Variants in CCDC141 observed in about 807,000 individuals in gnomAD.
CCDC141 encodes the protein coiled-coil domain-containing protein 141.
Under a neutral mutation model 181.0 loss-of-function variants are expected in CCDC141, and 168 were observed. The observed-to-expected ratio is 0.93, with a 90% confidence interval of 0.82 to 1.05. CCDC141 has a LOEUF of 1.05. Among genes scored for constraint, CCDC141 ranks in the 50% least tolerant of loss-of-function variants. CCDC141 has a pLI of 0.00. For missense variants in CCDC141, 1,902 were observed against 1,788.5 expected (o/e 1.06, Z -1.14); for synonymous variants, 666 against 642.3 (o/e 1.04, Z -0.56).
At chr2:178,879,773 T>C (rs1311984982) in intron 11 of CCDC141, among the ~76,000 whole-genome samples, 4 of 152,076 alleles carry the variant, frequency 2.6e-5, no homozygotes, top group South Asian at 2.1e-4. Context: ...TCTTGAGAAA[T>C]TGTCCACAGT....
intron 2 of CCDC141, among the ~76,000 whole-genome samples, chr2:179,036,699 C>T (rs2043154602): frequency 6.6e-6 from 1 of 152,178 alleles, no homozygotes; most frequent in South Asian, 2.1e-4. Context: ...TGACTAATTC[C>T]CACTAGACCA....
intron 5 of CCDC141, among the ~76,000 whole-genome samples, chr2:178,959,393 C>T (rs16866580): frequency 0.047 from 7,144 of 151,760 alleles, 216 homozygotes; most frequent in South Asian, 0.079. Context: ...TCTGGGAACA[C>T]GGTGGCTGGT....
intron 2 of CCDC141, among the ~76,000 whole-genome samples, chr2:179,014,237 G>T (rs2042359679): frequency 6.6e-6 from 1 of 152,050 alleles, no homozygotes; most frequent in South Asian, 2.1e-4. Flanking sequence ...AATGAAACTG[G>T]ATCCTCATCT....
intron 7 of CCDC141, among the ~76,000 whole-genome samples, chr2:178,915,124 G>T (rs1688385644): frequency 6.6e-6 from 1 of 151,938 alleles, no homozygotes. Context: ...AGTGAGCTGT[G>T]ATCATGCCAC....
At chr2:178,877,863 A>G in intron 12 of CCDC141, 101 bp downstream of exon 12, 1 of 1,125,732 alleles carries the variant, frequency 8.9e-7, no homozygotes, top group Non-Finnish European at 1.4e-6. Context: ...ACTCCCTAGG[A>G]GAGAACTGCT....
At chr2:178,867,101 T>G (rs1685888372) in intron 16 of CCDC141, among the ~76,000 whole-genome samples, 1 of 152,224 alleles carries the variant, frequency 6.6e-6, no homozygotes. Flanking sequence ...TCTTTTGAAG[T>G]CCGACAGTGG....
At chr2:178,951,116 C>G (rs918058914) in intron 5 of CCDC141, among the ~76,000 whole-genome samples, 2 of 152,196 alleles carry the variant, frequency 1.3e-5, no homozygotes, top group African/African-American at 4.8e-5. Flanking sequence ...TTGAAAATAA[C>G]TTCCCCAGCA....
intron 5 of CCDC141, among the ~76,000 whole-genome samples, chr2:178,951,568 T>G (rs1689953795): frequency 6.6e-6 from 1 of 152,220 alleles, no homozygotes; most frequent in African/African-American, 2.4e-5. Flanking sequence ...TTCATTAAAA[T>G]TAATTCATCC....
At chr2:178,998,398 A>C (rs1359405196) in intron 2 of CCDC141, among the ~76,000 whole-genome samples, 1 of 152,184 alleles carries the variant, frequency 6.6e-6, no homozygotes, top group Non-Finnish European at 1.5e-5. Context: ...ATATCTCTTA[A>C]GTATAATAGT....
chr2:178,896,415 C>G (rs1687408523), intron 8 of CCDC141, among the ~76,000 whole-genome samples: 1 of 152,086 alleles, frequency 6.6e-6, no homozygotes, highest in Non-Finnish European at 1.5e-5. Context: ...GATTTGGGGT[C>G]AGTTTTATAT....
chr2:179,032,884 A>C lies in CCDC141; in HGVS notation c.225+14400T>G, dbSNP rs79124739. Among the ~76,000 whole-genome samples, 4 of 151,882 alleles carry C rather than the reference A, an allele frequency of 2.6e-5. No individual in the cohort carries two copies. The East Asian group carries it at 7.7e-4, about 29-fold the overall frequency. On this transcript the variant is annotated intron_variant, in intron 2 of 23. Coordinates refer to ENST00000443758, the MANE Select transcript of CCDC141 (RefSeq NM_173648.4). Reference sequence around the variant, plus strand: ...AATCATAGAGTCAGAAGTTTGCTTTATTCTCCAGAAGAGTAATAGCTAGAT... The same window carrying C: ...AATCATAGAGTCAGAAGTTTGCTTTCTTCTCCAGAAGAGTAATAGCTAGAT...
intron 2 of CCDC141, among the ~76,000 whole-genome samples, chr2:178,990,196 T>C (rs1419820912): frequency 6.9e-6 from 1 of 145,436 alleles, no homozygotes; most frequent in African/African-American, 2.5e-5. Flanking sequence ...GGCAAGAACA[T>C]GGAGAAAATT....
chr2:178,989,132 A>G (rs1691905049), intron 2 of CCDC141, among the ~76,000 whole-genome samples: 1 of 152,206 alleles, frequency 6.6e-6, no homozygotes, highest in Admixed American at 6.5e-5. Context: ...ATAAGCAACA[A>G]CAACAACAAA....
At position 178,871,489 on chromosome 2, in the gene CCDC141, C is replaced by T. The variant is rs1424209569; in HGVS notation, c.2143G>A (p.Gly715Arg). 4 of 1,613,974 alleles carry T rather than the reference C, an allele frequency of 2.5e-6. No homozygotes were observed. Among genetic ancestry groups the T allele is most frequent in the Non-Finnish European group, 3.4e-6 (4 of 1,179,916 alleles). ...LMPVSALDLG[G>R]SLQFILDLRQ... Reference sequence around the variant, plus strand: ...AGATCTAAAATGAACTGGAGGCTCCCTCCGAGGTCAAGTGCAGACACAGGC... The same window carrying T: ...AGATCTAAAATGAACTGGAGGCTCCTTCCGAGGTCAAGTGCAGACACAGGC... Residue 715 changes from glycine to arginine, a missense_variant, in exon 14 of 24, where the codon GGG (glycine) becomes AGG (arginine). Gly to Arg is a moderately radical substitution (Grantham distance 125). Transcript: ENST00000443758.
At chr2:178,858,280 A>G (rs1416185980) in intron 17 of CCDC141, among the ~76,000 whole-genome samples, 3 of 152,158 alleles carry the variant, frequency 2.0e-5, no homozygotes, top group Non-Finnish European at 4.4e-5. Flanking sequence ...ACTAGTAAGT[A>G]TTTACATTCT....
intron 11 of CCDC141, among the ~76,000 whole-genome samples, chr2:178,880,395 A>G (rs1166587205): frequency 6.6e-6 from 1 of 152,164 alleles, no homozygotes; most frequent in Non-Finnish European, 1.5e-5. Flanking sequence ...TTTTGGCTGC[A>G]AAAAGAAGGG....
chr2:178,983,250 G>A (rs1691529785), intron 2 of CCDC141, among the ~76,000 whole-genome samples: 1 of 152,054 alleles, frequency 6.6e-6, no homozygotes, highest in Non-Finnish European at 1.5e-5. Flanking sequence ...CTGCAGCTGA[G>A]GGTCCTGTCT....
the CCDC141 span, among the ~76,000 whole-genome samples, chr2:178,821,389 A>C: frequency 6.6e-6 from 1 of 152,276 alleles, no homozygotes; most frequent in East Asian, 1.9e-4. Context: ...TTTTGTTCTA[A>C]ACCTTGACTG....
chr2:179,045,587 G>A (rs5005277), intron 2 of CCDC141, among the ~76,000 whole-genome samples: 113,301 of 150,860 alleles, frequency 0.75, 43,132 homozygotes, highest in East Asian at 0.93. Flanking sequence ...GAGTCGCCAC[G>A]CTGACTTCCA....
Sources: allele counts gnomAD v4.1 joint callset (sites outside exome capture counted in the v4.1 genomes callset), GRCh38; gene constraint gnomAD v4.1.1; transcripts MANE v1.5; gene names NCBI Gene and HGNC (gene_info 2026-07-23, HGNC 2026-07-21).